The following GRIN2A variants were observed in gnomAD, a reference collection of about 807,000 sequenced individuals.
GRIN2A encodes glutamate ionotropic receptor NMDA type subunit 2A.
GRIN2A carries 22 observed loss-of-function variants against 113.4 expected under a neutral mutation model. That is an observed-to-expected ratio of 0.19 (90% CI 0.14 to 0.28). The LOEUF (loss-of-function observed/expected upper bound fraction) is 0.28. Among genes scored for constraint, GRIN2A ranks in the 10% least tolerant of loss-of-function variants. GRIN2A has a pLI of 1.00. For synonymous variants in GRIN2A, 827 were observed against 738.4 expected (o/e 1.12, Z -1.94); for missense variants, 1,502 against 1,887.0 (o/e 0.80, Z 3.78).
intron 11 of GRIN2A, among the ~76,000 whole-genome samples, chr16:9,778,833 C>T (rs1901766929): frequency 1.3e-5 from 2 of 152,244 alleles, no homozygotes; most frequent in African/African-American, 2.4e-5. Context: ...GATCATCGCT[C>T]TGGCACTGGA....
chr16:10,140,647 C>G (rs2049307447), intron 2 of GRIN2A, among the ~76,000 whole-genome samples: 2 of 152,186 alleles, frequency 1.3e-5, no homozygotes, highest in Non-Finnish European at 2.9e-5. Flanking sequence ...CTCCAGCTCT[C>G]AGGATATGCA....
intron 2 of GRIN2A, among the ~76,000 whole-genome samples, chr16:9,950,592 C>T (rs1320306291): frequency 6.6e-6 from 1 of 152,204 alleles, no homozygotes; most frequent in Non-Finnish European, 1.5e-5. Flanking sequence ...ACAGCCTTCT[C>T]TAATGAGGCT....
intron 4 of GRIN2A, among the ~76,000 whole-genome samples, chr16:9,857,018 G>A (rs146089211): frequency 1.3e-3 from 193 of 152,274 alleles, no homozygotes; most frequent in African/African-American, 4.4e-3. Context: ...TGATAATGGC[G>A]TGGTGTTCTA....
At chr16:10,072,679 T>C (rs1161596319) in intron 2 of GRIN2A, among the ~76,000 whole-genome samples, 1 of 152,194 alleles carries the variant, frequency 6.6e-6, no homozygotes, top group African/African-American at 2.4e-5. Context: ...GTGGACCCCC[T>C]GACATCAGAA....
chr16:10,014,535 C>T (rs191347525), intron 2 of GRIN2A, among the ~76,000 whole-genome samples: 1 of 152,208 alleles, frequency 6.6e-6, no homozygotes, highest in Admixed American at 6.5e-5. Context: ...AAGCATGAGC[C>T]CCACCCTTAG....
chr16:10,125,705 G>A (rs149672956), intron 2 of GRIN2A, among the ~76,000 whole-genome samples: 1 of 151,984 alleles, frequency 6.6e-6, no homozygotes, highest in Non-Finnish European at 1.5e-5. Context: ...CCTACAGGAG[G>A]CTGGATGGCC....
rs1258058552 is a variant in GRIN2A, at chr16:9,757,537, A to G, written c.*5612T>C. On this transcript the variant is annotated 3_prime_UTR_variant, in exon 13 of 13. Transcript: ENST00000330684. ...TCTAAACCATAAGCTACTTATGGGA[A>G]GAGACTATATTTTCTATTTATTTTG... 4.4e-6 allele frequency: 1 copy of G among 227,902 alleles called. No individual in the cohort carries two copies. The highest frequency in any genetic ancestry group is 2.2e-5 in the African/African-American group (1 of 45,036). 14.1% of individuals were successfully genotyped at this position (227,902 alleles called of 1,614,324 possible). A position where few individuals can be genotyped will look rare whatever the true frequency, so the allele number is the denominator to read the frequency against.
intron 2 of GRIN2A, among the ~76,000 whole-genome samples, chr16:10,134,660 C>G (rs1308299747): frequency 6.6e-6 from 1 of 151,874 alleles, no homozygotes; most frequent in Non-Finnish European, 1.5e-5. Flanking sequence ...AGTGTAATGG[C>G]CTTCCTTCAT....
At chr16:9,939,395 A>T (rs2044802659) in intron 2 of GRIN2A, among the ~76,000 whole-genome samples, 1 of 152,182 alleles carries the variant, frequency 6.6e-6, no homozygotes, top group African/African-American at 2.4e-5. Flanking sequence ...CAGAAATCCA[A>T]GCACATAGGG....
chr16:9,831,085 C>T (rs2042483530), intron 8 of GRIN2A, among the ~76,000 whole-genome samples: 1 of 152,122 alleles, frequency 6.6e-6, no homozygotes, highest in East Asian at 1.9e-4. Flanking sequence ...TAACAGAAAA[C>T]CATTTTGTAC....
At chr16:9,845,174 C>A in intron 5 of GRIN2A, among the ~76,000 whole-genome samples, 1 of 152,094 alleles carries the variant, frequency 6.6e-6, no homozygotes, top group African/African-American at 2.4e-5. Flanking sequence ...AGAAGGAAAG[C>A]TGCAAGCTAC....
intron 10 of GRIN2A, among the ~76,000 whole-genome samples, chr16:9,813,148 G>C (rs542834064): frequency 6.6e-6 from 1 of 152,302 alleles, no homozygotes; most frequent in South Asian, 2.1e-4. Flanking sequence ...GCTAGTTAAG[G>C]CATGATGAAA....
intron 4 of GRIN2A, among the ~76,000 whole-genome samples, chr16:9,857,291 G>A (rs1366371400): frequency 6.6e-6 from 1 of 152,066 alleles, no homozygotes; most frequent in Non-Finnish European, 1.5e-5. Flanking sequence ...AAAAATCATG[G>A]GTTTTAGTTG....
rs191834500 is a variant in GRIN2A, at chr16:10,109,097, G to C, written c.414+70901C>G. ...AAAGAGACTATCAGAAATAAAGTCT[G>C]GTGCATTACTACAGACTTTAAGATA... On this transcript the variant is annotated intron_variant, in intron 2 of 12. Transcript: ENST00000330684. Among the ~76,000 whole-genome samples, 45 of 150,598 alleles carry C rather than the reference G, an allele frequency of 3.0e-4. No individual in the cohort carries two copies. In the East Asian group the frequency reaches 8.2e-3, roughly 27 times the overall value.
At chr16:10,073,664 CT>C (rs1274609663) in intron 2 of GRIN2A, among the ~76,000 whole-genome samples, 1 of 151,880 alleles carries the variant, frequency 6.6e-6, no homozygotes, top group Non-Finnish European at 1.5e-5. Context: ...AAATTAAAAA[CT>C]TTTATTCATC....
intron 2 of GRIN2A, among the ~76,000 whole-genome samples, chr16:10,101,899 G>T (rs2048406699): frequency 6.6e-6 from 1 of 152,204 alleles, no homozygotes; most frequent in Non-Finnish European, 1.5e-5. Flanking sequence ...GTTTAGTTTA[G>T]TCTCAATTTC....
At chr16:9,964,594 T>C (rs2045513901) in intron 2 of GRIN2A, among the ~76,000 whole-genome samples, 1 of 152,180 alleles carries the variant, frequency 6.6e-6, no homozygotes, top group Non-Finnish European at 1.5e-5. Context: ...AGAATCCACT[T>C]CCTTGACTTT....
intron 2 of GRIN2A, among the ~76,000 whole-genome samples, chr16:10,046,028 C>A (rs2047251569): frequency 6.6e-6 from 1 of 152,200 alleles, no homozygotes; most frequent in Non-Finnish European, 1.5e-5. Flanking sequence ...TATCGCCAGA[C>A]TATTACCCTT....
intron 3 of GRIN2A, among the ~76,000 whole-genome samples, chr16:9,932,346 C>G (rs1341451978): frequency 6.6e-6 from 1 of 152,088 alleles, no homozygotes; most frequent in African/African-American, 2.4e-5. Context: ...GAGACACTTA[C>G]TTCACTCATA....
Sources: gnomAD v4.1 joint callset for allele counts (sites outside exome capture counted in the v4.1 genomes callset) on GRCh38, gnomAD v4.1.1 for gene constraint, MANE v1.5 for transcripts, NCBI Gene and HGNC (gene_info 2026-07-23, HGNC 2026-07-21) for gene names.